The following C1QTNF1 variants were observed in gnomAD, a reference collection of about 807,000 sequenced individuals.
The protein encoded by C1QTNF1 is C1q and TNF related 1, also known as complement C1q tumor necrosis factor-related protein 1.
In C1QTNF1, 22 loss-of-function variants were observed where a neutral mutation model predicts 27.8. The ratio of observed to expected loss-of-function variants is 0.79; its 90% CI spans 0.56 to 1.13. The LOEUF (loss-of-function observed/expected upper bound fraction) is 1.13. Ranked by LOEUF, C1QTNF1 falls within the 50% of genes most tolerant of loss-of-function variation. The pLI is 0.00. For missense variants in C1QTNF1, 373 were observed against 380.2 expected (o/e 0.98, Z 0.16); for synonymous variants, 166 against 154.3 (o/e 1.08, Z -0.56).
At chr17:79,045,225 T>G (rs1358761468) in intron 2 of C1QTNF1, among the ~76,000 whole-genome samples, 1 of 152,004 alleles carries the variant, frequency 6.6e-6, no homozygotes, top group African/African-American at 2.4e-5. Flanking sequence ...GAATGGGGTG[T>G]GCAAAGGCAT....
intron 1 of C1QTNF1, among the ~76,000 whole-genome samples, chr17:79,037,031 C>T (rs896588974): frequency 6.6e-6 from 1 of 152,212 alleles, no homozygotes; most frequent in Non-Finnish European, 1.5e-5. Flanking sequence ...TTCAGAGGTC[C>T]GCTGTCAGCA....
chr17:79,038,139 C>T (rs767081406), intron 1 of C1QTNF1, among the ~76,000 whole-genome samples: 16 of 151,482 alleles, frequency 1.1e-4, no homozygotes, highest in Admixed American at 2.6e-4. Context: ...ACAGGTGCAC[C>T]CCACCACGCC....
At chr17:79,035,365 G>T (rs1320942559) in intron 1 of C1QTNF1, among the ~76,000 whole-genome samples, 1 of 152,240 alleles carries the variant, frequency 6.6e-6, no homozygotes, top group South Asian at 2.1e-4. Context: ...GGCACGAAGG[G>T]GTGGTGATGG....
chr17:79,035,464 T>C (rs1016103987), intron 1 of C1QTNF1, among the ~76,000 whole-genome samples: 5 of 151,784 alleles, frequency 3.3e-5, no homozygotes, highest in Non-Finnish European at 7.4e-5. Flanking sequence ...ACAGTCTCAC[T>C]TTGTTGCACA....
At chr17:79,028,514 G>A (rs538107932) in intron 1 of C1QTNF1, among the ~76,000 whole-genome samples, 1 of 152,352 alleles carries the variant, frequency 6.6e-6, no homozygotes, top group Admixed American at 6.5e-5. Flanking sequence ...TCCTTGTAAA[G>A]AATCTAAAGT....
intron 1 of C1QTNF1, chr17:79,025,840 A>C: frequency 2.6e-6 from 1 of 381,306 alleles, no homozygotes; most frequent in Non-Finnish European, 5.4e-6. Context: ...AGAGCTGGAG[A>C]GGCCCCTAGA....
rs1236082070 is a variant in C1QTNF1 at position 79,046,311 on chromosome 17, C to T, written c.156-244C>T. Among the ~76,000 whole-genome samples the T allele has an allele frequency of 6.6e-6, 1 of 152,218 alleles. No homozygotes were observed. Among genetic ancestry groups the T allele is most frequent in the Non-Finnish European group, 1.5e-5 (1 of 68,034 alleles). ...CGAGCAGCCCCCATCTTGCGTGGCA[C>T]TCAATTGATCGCTGCGTGTGTTTCC... is the stretch of plus-strand genomic sequence containing the variant. On this transcript the variant is annotated intron_variant, in intron 2 of 3. Transcript: ENST00000579760. This position sits in a 1 kb window ranked among gnomAD's most constrained non-coding sequence, Gnocchi z 4.8.
At chr17:79,042,063 G>A (rs1296682801) in intron 1 of C1QTNF1, among the ~76,000 whole-genome samples, 1 of 152,242 alleles carries the variant, frequency 6.6e-6, no homozygotes, top group African/African-American at 2.4e-5. Flanking sequence ...GCAGCCAGGA[G>A]TGAGGGACGC....
At chr17:79,027,089 G>C (rs564187342) in intron 1 of C1QTNF1, among the ~76,000 whole-genome samples, 32 of 151,450 alleles carry the variant, frequency 2.1e-4, no homozygotes, top group Non-Finnish European at 1.2e-4. Flanking sequence ...GGCGGGGGGG[G>C]GCTGTGGCTG....
At chr17:79,030,946 G>T (rs185339617) in intron 1 of C1QTNF1, among the ~76,000 whole-genome samples, 1 of 150,820 alleles carries the variant, frequency 6.6e-6, no homozygotes, top group African/African-American at 2.4e-5. Flanking sequence ...TTACAGAGAC[G>T]CCTAACTGGT....
Position 79,046,566 on chromosome 17 carries a change from A to C in C1QTNF1, c.167A>C (p.Gln56Pro). 6.2e-7 allele frequency: 1 copy of C among 1,614,252 alleles called. No homozygotes were observed. Among genetic ancestry groups the C allele is most frequent in the Non-Finnish European group, 8.5e-7 (1 of 1,180,036 alleles). ...CTTTATTCCCTCAGGGCTGAAGAACAACATGAAAAATACAGGCCCAGTCAG... is the reference window on the plus strand; with the variant it reads ...CTTTATTCCCTCAGGGCTGAAGAACCACATGAAAAATACAGGCCCAGTCAG... ...PPDHAERAEE[Q>P]HEKYRPSQDQ... Residue 56 changes from glutamine to proline, a missense_variant, in exon 3 of 4, where the codon CAA becomes CCA. Physicochemically the swap from Gln to Pro is moderately conservative, Grantham distance 76. Coordinates refer to ENST00000579760, the MANE Select transcript of C1QTNF1 (RefSeq NM_030968.5). This position sits in a 1 kb window ranked among gnomAD's most constrained non-coding sequence, Gnocchi z 4.8.
At chr17:79,026,239 T>C (rs1158287904) in intron 1 of C1QTNF1, among the ~76,000 whole-genome samples, 1 of 151,828 alleles carries the variant, frequency 6.6e-6, no homozygotes, top group Non-Finnish European at 1.5e-5. Flanking sequence ...CACTGCAACC[T>C]CCACCTCCCA....
intron 1 of C1QTNF1, among the ~76,000 whole-genome samples, chr17:79,027,174 A>G (rs914729954): frequency 1.3e-5 from 2 of 152,020 alleles, no homozygotes; most frequent in South Asian, 2.1e-4. Context: ...AGGTTACACC[A>G]TCCCCTGGAC....
chr17:79,044,609 G>A lies in C1QTNF1; in HGVS notation c.155+486G>A, dbSNP rs538536037. ...AGGAGAGGACAGCGGAGACTGGGTG[G>A]GCCAAGTGTCGGCTTCCCTTGAAAG... is the stretch of plus-strand genomic sequence containing the variant. On this transcript the variant is annotated intron_variant, in intron 2 of 3. Coordinates refer to ENST00000579760, the MANE Select transcript of C1QTNF1 (RefSeq NM_030968.5). 2.0e-5 allele frequency among the ~76,000 whole-genome samples: 3 copies of A among 152,136 alleles called. No individual in the cohort carries two copies. In the South Asian group the frequency reaches 6.2e-4, roughly 32 times the overall value.
At chr17:79,041,396 C>T (rs78095222) in intron 1 of C1QTNF1, among the ~76,000 whole-genome samples, 1 of 152,194 alleles carries the variant, frequency 6.6e-6, no homozygotes, top group African/African-American at 2.4e-5. Flanking sequence ...CTCGGAGGCT[C>T]TATCGGGAGA....
chr17:79,037,512 C>A (rs2072291953), intron 1 of C1QTNF1, among the ~76,000 whole-genome samples: 1 of 152,174 alleles, frequency 6.6e-6, no homozygotes, highest in Admixed American at 6.5e-5. Context: ...GATCCACCCT[C>A]CTCGGCCTCC....
chr17:79,032,666 C>T (rs898572174), intron 1 of C1QTNF1, among the ~76,000 whole-genome samples: 5 of 152,068 alleles, frequency 3.3e-5, no homozygotes, highest in African/African-American at 9.7e-5. Context: ...CCCGGGACCC[C>T]GCGTGATGGC....
At chr17:79,024,653 G>A (rs983372678) in intron 1 of C1QTNF1, among the ~76,000 whole-genome samples, 159 bp downstream of exon 1, 16 of 152,346 alleles carry the variant, frequency 1.1e-4, no homozygotes, top group Admixed American at 3.9e-4. Context: ...GGAAAGACCC[G>A]GGTTTTCGGG....
chr17:79,047,325 CTGTT>C, intron 3 of C1QTNF1: 1 of 417,456 alleles, frequency 2.4e-6, no homozygotes, highest in African/African-American at 2.1e-5. Context: ...GAGGTTGAGT[CTGTT>C]TGCTTGGCCA....
Sources: allele counts gnomAD v4.1 joint callset (sites outside exome capture counted in the v4.1 genomes callset), GRCh38; gene constraint gnomAD v4.1.1; non-coding constraint Gnocchi (gnomAD v3.1); transcripts MANE v1.5; gene names NCBI Gene and HGNC (gene_info 2026-07-23, HGNC 2026-07-21).